FAM120A: variants seen among roughly 807,000 people sequenced by gnomAD.
FAM120A encodes the protein family with sequence similarity 120 member A.
In FAM120A, 15 loss-of-function variants were observed where a neutral mutation model predicts 109.7. The ratio of observed to expected loss-of-function variants is 0.14; its 90% CI spans 0.09 to 0.21. The LOEUF (loss-of-function observed/expected upper bound fraction) is 0.21. Ranked by LOEUF, FAM120A falls within the 10% of genes least tolerant of loss-of-function variation. FAM120A has a pLI of 1.00. For synonymous variants in FAM120A, 493 were observed against 572.8 expected (o/e 0.86, Z 1.99); for missense variants, 899 against 1,439.3 (o/e 0.62, Z 6.07).
intron 7 of FAM120A, among the ~76,000 whole-genome samples, chr9:93,525,189 G>T (rs1257880871): frequency 6.6e-6 from 1 of 152,128 alleles, no homozygotes; most frequent in Non-Finnish European, 1.5e-5. Flanking sequence ...TCCAGATTAT[G>T]ACATTTATTT....
At chr9:93,471,028 C>T (rs778930147) in intron 1 of FAM120A, 113 bp from the exon 2 acceptor site, 12 of 1,297,010 alleles carry the variant, frequency 9.3e-6, no homozygotes, top group Middle Eastern at 3.8e-4. Context: ...TTGGCTTTCA[C>T]GGATAGTTTT....
At position 93,516,227 on chromosome 9, in the gene FAM120A, C is replaced by T. The variant is rs1177008517; in HGVS notation, c.1376C>T (p.Ser459Leu). 5 of 1,613,608 alleles carry T rather than the reference C, an allele frequency of 3.1e-6. No homozygotes were observed. Among genetic ancestry groups the T allele is most frequent in the Admixed American group, 3.3e-5 (2 of 59,918 alleles). ...DSAYFPGSST[S>L]SSSDNDEGSG... ...GCCTACTTCCCTGGCTCTTCTACAT[C>T]GTCATCTTCCGACAACGACGAGGGC... The change falls in exon 7 of 18, where the codon TCG (serine) becomes TTG (leucine). Residue 459 changes from serine (S) to leucine (L), a missense_variant. Physicochemically the swap from Ser to Leu is moderately radical, Grantham distance 145. Around this residue, in one of 11 missense-constraint regions of FAM120A, gnomAD observed 31 missense variants for 71.8 expected, o/e 0.43. Coordinates refer to ENST00000277165, the MANE Select transcript of FAM120A (RefSeq NM_014612.5).
At chr9:93,537,173 C>T (rs754007095) in intron 10 of FAM120A, among the ~76,000 whole-genome samples, 3 of 152,218 alleles carry the variant, frequency 2.0e-5, no homozygotes, top group Non-Finnish European at 4.4e-5. Context: ...TTCTTCTACT[C>T]GTTCCTGTGG....
chr9:93,504,738 C>T (rs991852193), intron 5 of FAM120A, among the ~76,000 whole-genome samples: 6 of 152,074 alleles, frequency 3.9e-5, no homozygotes, highest in South Asian at 2.1e-4. Context: ...TGATGGATAG[C>T]GCACTTGTGA....
chr9:93,470,618 TAGG>T (rs910636365), intron 1 of FAM120A, among the ~76,000 whole-genome samples: 1 of 152,134 alleles, frequency 6.6e-6, no homozygotes, highest in African/African-American at 2.4e-5. Context: ...TGGGAGGCCT[TAGG>T]AGGATAAGAA....
Position 93,471,329 on chromosome 9 carries a change from A to G in FAM120A, c.663A>G (p.Glu221=), listed in dbSNP as rs1479482043. The change falls in exon 2 of 18, where the codon GAA becomes GAG. Residue 221 remains glutamate (E), a synonymous_variant. Coordinates refer to ENST00000277165, the MANE Select transcript of FAM120A (RefSeq NM_014612.5). ...SLTTSQYLMH[E]VAKQLDLNPN... The stretch of plus-strand genomic sequence containing the variant: ...CCACAAGCCAATATCTGATGCATGA[A>G]GTTGCCAAGCAACTGGACCTGAATC... The G allele has an allele frequency of 3.7e-6, 6 of 1,614,136 alleles. No homozygotes were observed. In the African/African-American group the frequency reaches 5.3e-5, roughly 14 times the overall value.
intron 14 of FAM120A, among the ~76,000 whole-genome samples, chr9:93,558,223 G>A (rs754711203): frequency 6.6e-5 from 10 of 152,262 alleles, no homozygotes; most frequent in Non-Finnish European, 1.0e-4. Context: ...AAGCTGCACC[G>A]TAAAATCTGT....
Position 93,532,426 on chromosome 9 carries a change from C to G in FAM120A, c.1909+97C>G. ...TAGAAGAATCATGACTGAGTTGACC[C>G]CGAGTGCCTCTGTGTAAAGGAGGTG... is the stretch of plus-strand genomic sequence containing the variant. On this transcript the variant is annotated intron_variant, in intron 10 of 17. Coordinates refer to ENST00000277165, the MANE Select transcript of FAM120A (RefSeq NM_014612.5). This position sits in a 1 kb window ranked among gnomAD's most constrained non-coding sequence, Gnocchi z 4.3. 7.1e-7 allele frequency: 1 copy of G among 1,402,612 alleles called. No homozygotes were observed. The highest frequency in any genetic ancestry group is 1.0e-6 in the Non-Finnish European group (1 of 993,914). 86.9% of individuals were successfully genotyped at this position (1,402,612 alleles called of 1,614,324 possible). A position where few individuals can be genotyped will look rare whatever the true frequency, so the allele number is the denominator to read the frequency against.
rs145713438 is a variant in FAM120A at position 93,540,378 on chromosome 9, C to G, written c.1910-2844C>G. ...TTTCTTTGATAAAGACATGTATTTC[C>G]TGAATTGGACTTGCTGTTCTTGTCA... On this transcript the variant is annotated intron_variant, in intron 10 of 17. Transcript: ENST00000277165. Among the ~76,000 whole-genome samples the G allele has an allele frequency of 6.1e-3, 932 of 152,346 alleles. 11 individuals carry two copies. Among genetic ancestry groups the G allele is most frequent in the African/African-American group, 0.021 (883 of 41,574 alleles).
rs1198840700 is a variant in FAM120A at position 93,497,527 on chromosome 9, T to G, written c.861T>G (p.Ala287=). 1.2e-6 allele frequency: 2 copies of G among 1,613,810 alleles called. No homozygotes were observed. Among genetic ancestry groups the G allele is most frequent in the South Asian group, 2.2e-5 (2 of 91,034 alleles). Residue 287 remains alanine, a synonymous_variant, in exon 4 of 18, where the codon GCT becomes GCG. Transcript: ENST00000277165. ...GCGACGTAGTGATCAAAGCCGTTGCTGACTATGTACGCAACATTCAGGACA... is the reference window on the plus strand; with the variant it reads ...GCGACGTAGTGATCAAAGCCGTTGCGGACTATGTACGCAACATTCAGGACA... ...PPCDVVIKAV[A]DYVRNIQDTS...
chr9:93,470,174 A>G (rs1588794428), intron 1 of FAM120A, among the ~76,000 whole-genome samples: 2 of 152,326 alleles, frequency 1.3e-5, no homozygotes, highest in Middle Eastern at 3.4e-3. Flanking sequence ...TATTGGAATC[A>G]CCTAATTTAG....
intron 3 of FAM120A, among the ~76,000 whole-genome samples, chr9:93,495,327 TCAA>T: frequency 6.6e-6 from 1 of 152,278 alleles, no homozygotes; most frequent in South Asian, 2.1e-4. Flanking sequence ...ACCATGATCC[TCAA>T]CAACAACAAA....
chr9:93,494,372 C>A (rs556327652), intron 3 of FAM120A, among the ~76,000 whole-genome samples: 1 of 152,332 alleles, frequency 6.6e-6, no homozygotes, highest in East Asian at 1.9e-4. Context: ...ATGGGACCAC[C>A]ATATCCTACT....
Position 93,452,881 on chromosome 9 carries a change from G to A in FAM120A, c.474+492G>A. On this transcript the variant is annotated intron_variant, in intron 1 of 17. Transcript: ENST00000277165. The surrounding 1 kb of genome is among the most constrained non-coding windows in gnomAD (Gnocchi z 7.0). ...GGGGGCTGCAAATATCAGTGCTGCT[G>A]CCGCCGCCCTTGCCAATGTTGTTAG... is the stretch of plus-strand genomic sequence containing the variant. 8 of 1,450,384 alleles carry A rather than the reference G, an allele frequency of 5.5e-6. No individual in the cohort carries two copies. The Admixed American group carries it at 8.5e-5, about 15-fold the overall frequency. The allele number at this position is 1,450,384 out of a possible 1,614,324, so 89.8% of individuals were successfully genotyped here.
chr9:93,480,800 A>G (rs191770579), intron 3 of FAM120A, among the ~76,000 whole-genome samples: 1 of 152,244 alleles, frequency 6.6e-6, no homozygotes, highest in Admixed American at 6.5e-5. Flanking sequence ...AATTAGGAAG[A>G]TTTGTGATTG....
intron 1 of FAM120A, among the ~76,000 whole-genome samples, chr9:93,470,218 T>C (rs1363478451): frequency 2.0e-5 from 3 of 152,186 alleles, no homozygotes; most frequent in African/African-American, 7.2e-5. Context: ...ACCTTATCCA[T>C]TGTAGAAACG....
chr9:93,508,190 C>T (rs1860149565), intron 5 of FAM120A, among the ~76,000 whole-genome samples: 1 of 152,000 alleles, frequency 6.6e-6, no homozygotes, highest in Non-Finnish European at 1.5e-5. Context: ...GTAGAGCAGC[C>T]AGGCTGCTGT....
intron 3 of FAM120A, among the ~76,000 whole-genome samples, chr9:93,483,430 A>G (rs7861929): frequency 0.12 from 17,786 of 152,020 alleles, 2,224 homozygotes; most frequent in African/African-American, 0.32. Flanking sequence ...GAGACAGGCA[A>G]GATGACGTAG....
chr9:93,455,082 A>G (rs1174695215), intron 1 of FAM120A, among the ~76,000 whole-genome samples: 1 of 152,218 alleles, frequency 6.6e-6, no homozygotes, highest in Non-Finnish European at 1.5e-5. Context: ...AAAAACTGGT[A>G]CTCAAATGTC....
Sources: allele counts gnomAD v4.1 joint callset (sites outside exome capture counted in the v4.1 genomes callset), GRCh38; gene constraint gnomAD v4.1.1; regional missense constraint gnomAD v4.1.1; non-coding constraint Gnocchi (gnomAD v3.1); transcripts MANE v1.5; gene names NCBI Gene and HGNC (gene_info 2026-07-23, HGNC 2026-07-21).